Variants in RABL3 observed in about 807,000 individuals in gnomAD.
The protein encoded by RABL3 is rab-like protein 3.
Under a neutral mutation model 31.8 loss-of-function variants are expected in RABL3, and 31 were observed. The observed-to-expected ratio is 0.97, with a 90% CI of 0.73 to 1.31. The LOEUF is 1.31. Among genes scored for constraint, RABL3 ranks in the 40% most tolerant of loss-of-function variants. The pLI is 0.00. For missense variants in RABL3, 263 were observed against 279.6 expected (o/e 0.94, Z 0.42); for synonymous variants, 97 against 99.9 (o/e 0.97, Z 0.18).
intron 3 of RABL3, 44 bp downstream of exon 3, chr3:120,709,736 C>A (rs777361700): frequency 1.4e-6 from 2 of 1,430,414 alleles, no homozygotes; most frequent in Admixed American, 1.8e-5. Context: ...ATGATCTATA[C>A]TCTTAGACCA....
intron 1 of RABL3, among the ~76,000 whole-genome samples, chr3:120,734,606 A>G: frequency 6.6e-6 from 1 of 152,194 alleles, no homozygotes; most frequent in East Asian, 1.9e-4. Flanking sequence ...GAGAGAGGGC[A>G]TCCTTGTCTT....
intron 2 of RABL3, among the ~76,000 whole-genome samples, chr3:120,728,307 T>C (rs1409644263): frequency 6.6e-6 from 1 of 152,202 alleles, no homozygotes; most frequent in Non-Finnish European, 1.5e-5. Flanking sequence ...AAAGCACATA[T>C]TATTGACCTC....
intron 2 of RABL3, among the ~76,000 whole-genome samples, chr3:120,726,663 G>A (rs1044388628): frequency 6.8e-4 from 104 of 152,068 alleles, no homozygotes; most frequent in African/African-American, 2.5e-3. Flanking sequence ...AGAATCGCTT[G>A]AACCCGGGAG....
chr3:120,726,536 T>C (rs1224491397), intron 2 of RABL3, among the ~76,000 whole-genome samples: 1 of 151,896 alleles, frequency 6.6e-6, no homozygotes, highest in African/African-American at 2.4e-5. Context: ...AGGTCAGGAG[T>C]TCGAGACCAG....
chr3:120,716,652 C>T lies in RABL3; in HGVS notation c.139-6743G>A, dbSNP rs143465224. Among the ~76,000 whole-genome samples, 817 of 151,638 alleles carry T rather than the reference C, an allele frequency of 5.4e-3. 12 individuals are homozygous for T. The highest frequency in any genetic ancestry group is 0.019 in the African/African-American group (785 of 41,380). ...TAAAAAAAAAAGAAAAAAAAAGAGG[C>T]AACTGTTTCTAAGAGTTTTGAAAAG... On this transcript the variant is annotated intron_variant, in intron 2 of 7. Coordinates refer to ENST00000273375, the MANE Select transcript of RABL3 (RefSeq NM_173825.5).
rs1372863887 is a variant in RABL3, at chr3:120,706,000, C to T, written c.383G>A (p.Gly128Glu). 3.8e-6 allele frequency: 6 copies of T among 1,579,664 alleles called. No homozygotes were observed. Among genetic ancestry groups the T allele is most frequent in the African/African-American group, 1.3e-5 (1 of 74,280 alleles). Residue 128 changes from glycine (G) to glutamate (E), a missense_variant and splice_region_variant, in exon 4 of 8, where the codon GGG becomes GAG. By Grantham distance (98) the Gly-to-Glu change is moderately conservative. Transcript: ENST00000273375. ...CAAACCAATTGTGAAATTGGCTCAC[C>T]CATTTGTCACCAAGACTCCAGTTGG... ...LVPTGVLVTNGDYDQEQFADN... is the reference protein window; with the variant it reads ...LVPTGVLVTNEDYDQEQFADN...
intron 2 of RABL3, among the ~76,000 whole-genome samples, chr3:120,728,400 A>T (rs1294646624): frequency 6.6e-6 from 1 of 152,162 alleles, no homozygotes; most frequent in East Asian, 1.9e-4. Flanking sequence ...AGGGCAATTG[A>T]CTCAGGAGGT....
chr3:120,686,260 C>T lies in RABL3; in HGVS notation c.*3563G>A, dbSNP rs1283008854. Among the ~76,000 whole-genome samples, 1 of 152,122 alleles carries T rather than the reference C, an allele frequency of 6.6e-6. No homozygotes were observed. The highest frequency in any genetic ancestry group is 1.5e-5 in the Non-Finnish European group (1 of 68,032). On this transcript the variant is annotated 3_prime_UTR_variant, in exon 8 of 8. Transcript: ENST00000273375. ...ACATATATTAAACCAATGCAGACAC[C>T]CTGTTAGACCTTTAAACTTCTTAAA...
intron 2 of RABL3, among the ~76,000 whole-genome samples, chr3:120,729,349 C>A (rs1390396590): frequency 6.6e-6 from 1 of 152,054 alleles, no homozygotes; most frequent in Admixed American, 6.6e-5. Flanking sequence ...GGGATACTTT[C>A]ACAATACAGC....
At chr3:120,715,356 T>C (rs1385518802) in intron 2 of RABL3, among the ~76,000 whole-genome samples, 1 of 152,046 alleles carries the variant, frequency 6.6e-6, no homozygotes. Context: ...CTGGCCAACA[T>C]GGCGAAACCT....
chr3:120,700,083 T>C (rs1192805417), intron 4 of RABL3, among the ~76,000 whole-genome samples: 1 of 152,180 alleles, frequency 6.6e-6, no homozygotes, highest in Non-Finnish European at 1.5e-5. Context: ...GTTTGCTCTC[T>C]TATTTCTCTT....
chr3:120,723,697 T>C (rs1025420391), intron 2 of RABL3, among the ~76,000 whole-genome samples: 19 of 152,058 alleles, frequency 1.2e-4, no homozygotes, highest in Non-Finnish European at 1.6e-4. Context: ...ATGACAAAAA[T>C]CACATGATTA....
chr3:120,689,014 GGCTGTAAATGTCTCTCACTGCCCTTGT>G lies in RABL3; in HGVS notation c.*782_*808del, dbSNP rs1708348327. The G allele has an allele frequency of 3.3e-5, 5 of 152,088 alleles. No homozygotes were observed. The South Asian group carries it at 1.0e-3, about 32-fold the overall frequency. 9.4% of individuals were successfully genotyped at this position (152,088 alleles called of 1,614,324 possible). On this transcript the variant is annotated 3_prime_UTR_variant, in exon 8 of 8. Transcript: ENST00000273375. The stretch of plus-strand genomic sequence containing the variant: ...TCCTTAAAAAAACAAATAGAGAGGA[GGCTGTAAATGTCTCTCACTGCCCTTGT>G]GCAGGTCTTAGATTTTACCCTACCT...
chr3:120,702,823 C>T (rs1708508602), intron 4 of RABL3, among the ~76,000 whole-genome samples: 1 of 152,146 alleles, frequency 6.6e-6, no homozygotes, highest in Non-Finnish European at 1.5e-5. Flanking sequence ...TCCCAAAGTG[C>T]TGAGATTACA....
intron 2 of RABL3, among the ~76,000 whole-genome samples, chr3:120,717,117 G>A (rs764470382): frequency 3.3e-5 from 5 of 152,102 alleles, no homozygotes; most frequent in Non-Finnish European, 7.4e-5. Flanking sequence ...TTAGCCAGGC[G>A]TGGTGGTGGG....
chr3:120,737,038 G>A (rs1339193562), intron 1 of RABL3, among the ~76,000 whole-genome samples: 7 of 152,106 alleles, frequency 4.6e-5, no homozygotes, highest in African/African-American at 1.4e-4. Context: ...TCTTTGTGGC[G>A]TTCTCTGTAT....
rs775376659 is a variant in RABL3 at position 120,689,876 on chromosome 3, G to A, written c.658C>T (p.Pro220Ser). The change falls in exon 8 of 8, where the codon CCT (proline) becomes TCT (serine). Residue 220 changes from proline (P) to serine (S), a missense_variant. Coordinates refer to ENST00000273375, the MANE Select transcript of RABL3 (RefSeq NM_173825.5). ...LREGNQIPGF[P>S]DRKRFGAGTL... is the part of the protein sequence containing the mutation. ...CCTGCCCCAAATCTTTTCCGATCAGGAAAGCCTGGAATCTGTAGGCAAGAA... is the reference window on the plus strand; with the variant it reads ...CCTGCCCCAAATCTTTTCCGATCAGAAAAGCCTGGAATCTGTAGGCAAGAA... 2.5e-6 allele frequency: 4 copies of A among 1,612,694 alleles called. No individual in the cohort carries two copies. The highest frequency in any genetic ancestry group is 3.4e-6 in the Non-Finnish European group (4 of 1,178,886).
chr3:120,700,760 A>G (rs1464709223), intron 4 of RABL3, among the ~76,000 whole-genome samples: 1 of 152,126 alleles, frequency 6.6e-6, no homozygotes, highest in Non-Finnish European at 1.5e-5. Context: ...GAGAAGATAG[A>G]AAGTGGGTAG....
intron 5 of RABL3, among the ~76,000 whole-genome samples, chr3:120,695,599 T>C (rs1413019608): frequency 3.9e-5 from 6 of 152,158 alleles, no homozygotes; most frequent in Admixed American, 3.3e-4. Flanking sequence ...CAACAAGCAC[T>C]TACCACAATA....
Sources: allele counts gnomAD v4.1 joint callset (sites outside exome capture counted in the v4.1 genomes callset), GRCh38; gene constraint gnomAD v4.1.1; transcripts MANE v1.5; gene names NCBI Gene and HGNC (gene_info 2026-07-23, HGNC 2026-07-21).